The following TMEM235 variants were observed in gnomAD, a reference collection of about 807,000 sequenced individuals.
TMEM235 encodes claudin-27.
TMEM235 carries 23 observed loss-of-function variants against 22.9 expected under a neutral mutation model. That is an observed-to-expected ratio of 1.00 (90% CI 0.72 to 1.42). The LOEUF (loss-of-function observed/expected upper bound fraction) is 1.42. Ranked by LOEUF, TMEM235 falls within the 40% of genes most tolerant of loss-of-function variation. The probability of loss-of-function intolerance (pLI) is 0.00; values close to 1 mark genes in which losing one functional copy is unlikely to be tolerated. For missense variants in TMEM235, 308 were observed against 299.5 expected (o/e 1.03, Z -0.21); for synonymous variants, 137 against 140.5 (o/e 0.98, Z 0.17).
At chr17:78,231,833 T>G (rs2076582996) in exon 2 of TMEM235, 1 of 1,196,342 alleles carries the variant, frequency 8.4e-7, no homozygotes, top group African/African-American at 1.6e-5. Flanking sequence ...CGCAGAGAGG[T>G]GGGGTCGATC....
chr17:78,237,232 A>C lies in TMEM235; in HGVS notation c.410-1792A>C, dbSNP rs576144422. ...GATGTCACACCAAAGGCACCTGCCCAGGGTCAGCTCGGCCCTCACCCCTCA... is the reference window on the plus strand; with the variant it reads ...GATGTCACACCAAAGGCACCTGCCCCGGGTCAGCTCGGCCCTCACCCCTCA... On this transcript the variant is annotated intron_variant, in intron 4 of 5. Transcript: ENST00000421688. This position sits in a 1 kb window ranked among gnomAD's most constrained non-coding sequence, Gnocchi z 4.7. 2.7e-4 allele frequency among the ~76,000 whole-genome samples: 41 copies of C among 152,214 alleles called. No individual in the cohort carries two copies. Among genetic ancestry groups the C allele is most frequent in the Admixed American group, 1.8e-3 (27 of 15,302 alleles).
At chr17:78,232,086 C>T (rs2076587915) in exon 2 of TMEM235, 3 of 1,468,550 alleles carry the variant, frequency 2.0e-6, no homozygotes, top group South Asian at 1.3e-5. Flanking sequence ...GCTTCGCGCT[C>T]CTGGCCGCCG....
chr17:78,233,563 C>T (rs565988233), intron 2 of TMEM235, among the ~76,000 whole-genome samples: 9 of 152,126 alleles, frequency 5.9e-5, no homozygotes, highest in African/African-American at 1.9e-4. Flanking sequence ...GGCACGGTGG[C>T]GGGTGCCTGT....
At chr17:78,234,601 C>G (rs555201618) in exon 4 of TMEM235, 44 of 1,536,188 alleles carry the variant, frequency 2.9e-5, no homozygotes, top group Non-Finnish European at 3.7e-5. Flanking sequence ...AGTGCTGCAC[C>G]GTGCAGTCAT....
At chr17:78,234,917 C>T (rs532857036) in intron 4 of TMEM235, among the ~76,000 whole-genome samples, 187 bp downstream of exon 3, 1 of 152,204 alleles carries the variant, frequency 6.6e-6, no homozygotes, top group Non-Finnish European at 1.5e-5. Flanking sequence ...TATTTGTTCT[C>T]ACGTTGCTAT....
exon 5 of TMEM235, chr17:78,239,269 G>A (rs1366012944): frequency 3.9e-6 from 6 of 1,539,772 alleles, no homozygotes; most frequent in Non-Finnish European, 5.2e-6. Context: ...GCAGGTGGGA[G>A]GGAGGTAAGA....
chr17:78,233,954 A>G, exon 3 of TMEM235: 1 of 1,532,514 alleles, frequency 6.5e-7, no homozygotes, highest in South Asian at 1.2e-5. Context: ...GGACGTCTCC[A>G]CCTCGGTGCA....
chr17:78,232,870 T>C (rs2076599285), intron 2 of TMEM235, among the ~76,000 whole-genome samples: 1 of 152,116 alleles, frequency 6.6e-6, no homozygotes, highest in Admixed American at 6.5e-5. Context: ...AACATGAACA[T>C]GTGTGAGCAC....
chr17:78,231,584 G>A (rs765766631), exon 2 of TMEM235: 20 of 1,303,704 alleles, frequency 1.5e-5, no homozygotes, highest in Non-Finnish European at 1.8e-5. Flanking sequence ...TGCCTGGCCG[G>A]CCATCCTCCT....
In TMEM235 at chr17:78,235,803, A is replaced by G. The variant is rs150740858; in HGVS notation, c.409+1073A>G. On this transcript the variant is annotated intron_variant, in intron 4 of 5. Transcript: ENST00000421688. Reference sequence around the variant, plus strand: ...TTTTTAGTAGAGATGGGGTTTCACCATGTTAGCCAGGATGGTCTCAATCTT... The same window carrying G: ...TTTTTAGTAGAGATGGGGTTTCACCGTGTTAGCCAGGATGGTCTCAATCTT... 4.7e-3 allele frequency among the ~76,000 whole-genome samples: 717 copies of G among 151,898 alleles called. 10 individuals are homozygous for G. The highest frequency in any genetic ancestry group is 0.016 in the African/African-American group (665 of 41,416).
chr17:78,233,741 GGGCC>G (rs2076610474), intron 2 of TMEM235, among the ~76,000 whole-genome samples, 150 bp from the exon 2 acceptor site: 1 of 152,000 alleles, frequency 6.6e-6, no homozygotes, highest in South Asian at 2.1e-4. Flanking sequence ...TAAAGGTCTT[GGGCC>G]TTTTCATCCC....
At position 78,234,797 on chromosome 17, in the gene TMEM235, G is replaced by T. The variant is rs1202799478; in HGVS notation, c.409+67G>T. On this transcript the variant is annotated intron_variant, in intron 4 of 5. Coordinates refer to ENST00000421688, the Ensembl canonical transcript of TMEM235. ...CTGGGCCACAGGTCCCGGGAGTGGG[G>T]TGCTGCCTCTCCTGTTGCCCTCGTC... is the stretch of plus-strand genomic sequence containing the variant. The T allele has an allele frequency of 2.6e-6, 4 of 1,521,980 alleles. No individual in the cohort carries two copies. In the Admixed American group the frequency reaches 5.9e-5, roughly 22 times the overall value. 94.3% of individuals were successfully genotyped at this position (1,521,980 alleles called of 1,614,324 possible).
intron 2 of TMEM235, 94 bp downstream of exon 1, chr17:78,232,307 C>G: frequency 1.6e-6 from 2 of 1,226,104 alleles, no homozygotes; most frequent in South Asian, 3.6e-5. Context: ...CCGCCAGACC[C>G]CCTTCCAGGA....
At chr17:78,234,463 T>C in intron 3 of TMEM235, 130 bp from the exon 3 acceptor site, 1 of 1,349,038 alleles carries the variant, frequency 7.4e-7, no homozygotes, top group Non-Finnish European at 1.0e-6. Context: ...GAGGGTCCAG[T>C]GGTGTCCACA....
At chr17:78,239,406 G>A in intron 5 of TMEM235, 133 bp downstream of exon 4, 2 of 1,133,324 alleles carry the variant, frequency 1.8e-6, no homozygotes, top group Non-Finnish European at 2.4e-6. Flanking sequence ...GGGTGACAAG[G>A]GGTGGAGGGC....
chr17:78,239,015 C>T lies in TMEM235; in HGVS notation c.410-9C>T. 1 of 1,535,460 alleles carries T rather than the reference C, an allele frequency of 6.5e-7. No homozygotes were observed. The highest frequency in any genetic ancestry group is 8.8e-7 in the Non-Finnish European group (1 of 1,142,036). On this transcript the variant is annotated splice_polypyrimidine_tract_variant and intron_variant, in intron 4 of 5. Transcript: ENST00000421688. The stretch of plus-strand genomic sequence containing the variant: ...CACCGAGCAGCTGCCCTCCCCATCT[C>T]TCCCCCAGGTGTCCTGACACTGGCG...
chr17:78,232,232 G>A lies in TMEM235; in HGVS notation c.190+19G>A, dbSNP rs1411222883. The A allele has an allele frequency of 4.2e-6, 6 of 1,435,754 alleles. No individual in the cohort carries two copies. Among genetic ancestry groups the A allele is most frequent in the Non-Finnish European group, 5.5e-6 (6 of 1,098,972 alleles). The allele number at this position is 1,435,754 out of a possible 1,614,324, so 88.9% of individuals were successfully genotyped here. A position where few individuals can be genotyped will look rare whatever the true frequency, so the allele number is the denominator to read the frequency against. Reference sequence around the variant, plus strand: ...TGCGAAGGTAACCGGCCACCGCGCCGGCCCTCCTCCCTCCGCGACCTCGTC... The same window carrying A: ...TGCGAAGGTAACCGGCCACCGCGCCAGCCCTCCTCCCTCCGCGACCTCGTC... On this transcript the variant is annotated intron_variant, in intron 2 of 5. Coordinates refer to ENST00000421688, the Ensembl canonical transcript of TMEM235.
chr17:78,232,095 C>T, exon 2 of TMEM235: 1 of 1,471,540 alleles, frequency 6.8e-7, no homozygotes, highest in Non-Finnish European at 8.9e-7. Flanking sequence ...TCCTGGCCGC[C>T]GCGGTCGCCA....
chr17:78,234,583 T>A lies in TMEM235; in HGVS notation c.272-10T>A. On this transcript the variant is annotated splice_polypyrimidine_tract_variant and intron_variant, in intron 3 of 5. Coordinates refer to ENST00000421688, the Ensembl canonical transcript of TMEM235. Reference sequence around the variant, plus strand: ...GACCAGAATTCTCACCTGAGCCCCCTTTCCTGCAGTGCTGCACCGTGCAGT... The same window carrying A: ...GACCAGAATTCTCACCTGAGCCCCCATTCCTGCAGTGCTGCACCGTGCAGT... The A allele has an allele frequency of 6.5e-7, 1 of 1,535,960 alleles. No homozygotes were observed. The highest frequency in any genetic ancestry group is 1.2e-5 in the South Asian group (1 of 84,066).
Sources: allele counts gnomAD v4.1 joint callset (sites outside exome capture counted in the v4.1 genomes callset), GRCh38; gene constraint gnomAD v4.1.1; non-coding constraint Gnocchi (gnomAD v3.1); transcripts MANE v1.5; gene names NCBI Gene and HGNC (gene_info 2026-07-23, HGNC 2026-07-21).